MED12L: variants seen among roughly 807,000 people sequenced by gnomAD.
MED12L encodes the protein mediator complex subunit 12L.
Under a neutral mutation model 281.3 loss-of-function variants are expected in MED12L, and 60 were observed. The ratio of observed to expected loss-of-function variants is 0.21; its 90% CI spans 0.17 to 0.26. The LOEUF (loss-of-function observed/expected upper bound fraction) is 0.26. MED12L is among the 10% of genes least tolerant of loss of function. The pLI is 1.00. For missense variants in MED12L, 2,146 were observed against 2,680.9 expected (o/e 0.80, Z 4.41); for synonymous variants, 974 against 987.2 (o/e 0.99, Z 0.25).
chr3:151,287,655 C>T (rs1182749358), intron 16 of MED12L, among the ~76,000 whole-genome samples: 2 of 152,096 alleles, frequency 1.3e-5, no homozygotes, highest in African/African-American at 4.8e-5. Flanking sequence ...GCCTCGGTTT[C>T]TTCATCTGTA....
intron 16 of MED12L, among the ~76,000 whole-genome samples, chr3:151,226,273 G>A (rs1179873405): frequency 6.6e-6 from 1 of 152,214 alleles, no homozygotes; most frequent in Non-Finnish European, 1.5e-5. Context: ...GAGTTTTGGG[G>A]TGAGAGAGCT....
rs111506031 is a variant in MED12L at position 151,323,936 on chromosome 3, C to T, written c.2251-26123C>T. ...ACCCCTGAGGTTGTTGAAGCCCATTCGTGTTGAGACTTCTCTCTTCCCCTC... is the reference window on the plus strand; with the variant it reads ...ACCCCTGAGGTTGTTGAAGCCCATTTGTGTTGAGACTTCTCTCTTCCCCTC... On this transcript the variant is annotated intron_variant, in intron 16 of 44. Transcript: ENST00000687756. Among the ~76,000 whole-genome samples the T allele has an allele frequency of 6.8e-3, 1,041 of 152,296 alleles. 10 individuals are homozygous for T. The highest frequency in any genetic ancestry group is 0.024 in the South Asian group (115 of 4,830).
At chr3:151,217,783 ATTTT>A (rs201322769) in intron 16 of MED12L, among the ~76,000 whole-genome samples, 1 of 151,742 alleles carries the variant, frequency 6.6e-6, no homozygotes, top group Non-Finnish European at 1.5e-5. Flanking sequence ...TTAAATATTG[ATTTT>A]TTTTTAAAAG....
At chr3:151,092,288 G>C (rs991302932) in intron 2 of MED12L, among the ~76,000 whole-genome samples, 1 of 152,176 alleles carries the variant, frequency 6.6e-6, no homozygotes, top group African/African-American at 2.4e-5. Flanking sequence ...TCATTTCCCT[G>C]AGTTAATATG....
chr3:151,224,446 C>CT (rs80099332), intron 16 of MED12L, among the ~76,000 whole-genome samples: 2,683 of 143,130 alleles, frequency 0.019, 38 homozygotes, highest in African/African-American at 0.034. Context: ...ATGTTTAACA[C>CT]TTTTTTTTTT....
At chr3:151,346,207 A>T (rs1217212491) in intron 16 of MED12L, among the ~76,000 whole-genome samples, 1 of 152,110 alleles carries the variant, frequency 6.6e-6, no homozygotes, top group Non-Finnish European at 1.5e-5. Context: ...AAGTAGAAAG[A>T]TGTTCCTTTC....
chr3:151,370,676 T>C (rs1446947108), intron 26 of MED12L, among the ~76,000 whole-genome samples: 2 of 152,308 alleles, frequency 1.3e-5, no homozygotes, highest in East Asian at 3.9e-4. Flanking sequence ...GTTGGTCGGT[T>C]CTACTTAATA....
intron 38 of MED12L, among the ~76,000 whole-genome samples, chr3:151,393,790 T>C (rs781496026): frequency 2.4e-4 from 36 of 152,218 alleles, no homozygotes; most frequent in Non-Finnish European, 4.6e-4. Flanking sequence ...ACTGAGTCTT[T>C]AAAAGAATGT....
chr3:151,316,214 A>C (rs1748212399), intron 16 of MED12L, among the ~76,000 whole-genome samples: 1 of 152,212 alleles, frequency 6.6e-6, no homozygotes, highest in Non-Finnish European at 1.5e-5. Context: ...TTTAAAAAAA[A>C]ACAATACGGA....
chr3:151,158,041 T>C (rs1463117855), intron 6 of MED12L, among the ~76,000 whole-genome samples: 3 of 152,218 alleles, frequency 2.0e-5, no homozygotes, highest in Admixed American at 6.5e-5. Context: ...GTAGTGCTTA[T>C]ATCAAGATTA....
intron 28 of MED12L, 151 bp from the exon 29 acceptor site, chr3:151,376,649 G>T: frequency 1.5e-6 from 1 of 658,904 alleles, no homozygotes; most frequent in Middle Eastern, 4.0e-4. Flanking sequence ...GAATATATAT[G>T]CAGCAAGATT....
chr3:151,238,541 G>C (rs1298312983), intron 16 of MED12L, among the ~76,000 whole-genome samples: 2 of 152,176 alleles, frequency 1.3e-5, no homozygotes, highest in Non-Finnish European at 2.9e-5. Flanking sequence ...CTTTATAAGA[G>C]TACTAAGATG....
intron 44 of MED12L, among the ~76,000 whole-genome samples, chr3:151,431,558 A>T (rs1187553283): frequency 6.6e-6 from 1 of 152,240 alleles, no homozygotes; most frequent in Non-Finnish European, 1.5e-5. Context: ...ACTGTTTAAT[A>T]GATCTGGTCT....
At position 151,117,687 on chromosome 3, in the gene MED12L, A is replaced by G. The variant is rs77135060; in HGVS notation, c.204+1245A>G. 1.8e-3 allele frequency among the ~76,000 whole-genome samples: 266 copies of G among 149,462 alleles called. 3 individuals carry two copies. The East Asian group carries it at 0.04, about 23-fold the overall frequency. On this transcript the variant is annotated intron_variant, in intron 3 of 44. Transcript: ENST00000687756. ...CACTGAATAAATGTAGAATTTTTCTACAATACTTTTTGCCCTTAGACTAAC... is the reference window on the plus strand; with the variant it reads ...CACTGAATAAATGTAGAATTTTTCTGCAATACTTTTTGCCCTTAGACTAAC...
chr3:151,407,850 G>A (rs1199080519), intron 39 of MED12L, among the ~76,000 whole-genome samples: 7 of 152,122 alleles, frequency 4.6e-5, no homozygotes, highest in Non-Finnish European at 7.4e-5. Flanking sequence ...CTGAAGTTTC[G>A]TAAATGGCCA....
At chr3:151,337,848 C>A in intron 16 of MED12L, 1 of 1,614,082 alleles carries the variant, frequency 6.2e-7, no homozygotes, top group South Asian at 1.1e-5. Context: ...TGGGTCACCA[C>A]CATCCTGTTC....
At chr3:151,168,729 A>G (rs546032985) in intron 11 of MED12L, among the ~76,000 whole-genome samples, 1 of 152,288 alleles carries the variant, frequency 6.6e-6, no homozygotes, top group South Asian at 2.1e-4. Flanking sequence ...TTTTTCCAAG[A>G]CAGTCTCAGT....
intron 16 of MED12L, among the ~76,000 whole-genome samples, chr3:151,325,643 A>C (rs1577335187): frequency 6.6e-6 from 1 of 152,334 alleles, no homozygotes; most frequent in African/African-American, 2.4e-5. Flanking sequence ...TCTACAGATC[A>C]GGCACTCTGC....
chr3:151,185,245 T>C, intron 11 of MED12L, 85 bp from the exon 12 acceptor site: 1 of 1,359,004 alleles, frequency 7.4e-7, no homozygotes. Context: ...TTTAAAGTGT[T>C]AGATATTCCC....
Sources: allele counts gnomAD v4.1 joint callset (sites outside exome capture counted in the v4.1 genomes callset), GRCh38; gene constraint gnomAD v4.1.1; transcripts MANE v1.5; gene names NCBI Gene and HGNC (gene_info 2026-07-23, HGNC 2026-07-21).